The following TEX26 variants were observed in gnomAD, a reference collection of about 807,000 sequenced individuals.
The protein encoded by TEX26 is testis-expressed protein 26.
TEX26 carries 34 observed loss-of-function variants against 35.3 expected under a neutral mutation model. The ratio of observed to expected loss-of-function variants is 0.96; its 90% CI spans 0.73 to 1.28. The LOEUF (loss-of-function observed/expected upper bound fraction) is 1.28, where lower values mean the gene tolerates loss of function less well. Ranked by LOEUF, TEX26 falls within the 50% of genes most tolerant of loss-of-function variation. The pLI is 0.00. For synonymous variants in TEX26, 136 were observed against 111.8 expected, an observed-to-expected ratio of 1.22 and a Z score of -1.36; for missense variants, 371 against 330.1, an observed-to-expected ratio of 1.12 and a Z score of -0.96.
intron 6 of TEX26, among the ~76,000 whole-genome samples, chr13:30,974,040 G>A (rs1466214684): frequency 6.7e-6 from 1 of 149,734 alleles, no homozygotes; most frequent in African/African-American, 2.5e-5. Context: ...AGAATTGCTT[G>A]AACCTGGGAG....
chr13:30,957,600 G>A (rs2138281149), intron 4 of TEX26, among the ~76,000 whole-genome samples: 1 of 152,326 alleles, frequency 6.6e-6, no homozygotes, highest in South Asian at 2.1e-4. Context: ...TGGCCCTTCA[G>A]GAAGAAGGTG....
At chr13:30,934,687 C>G (rs1319320787) in intron 1 of TEX26, among the ~76,000 whole-genome samples, 2 of 152,192 alleles carry the variant, frequency 1.3e-5, no homozygotes, top group Non-Finnish European at 2.9e-5. Context: ...GGCTGCAACA[C>G]TCCATGGAGC....
At chr13:30,953,583 C>G (rs532663788) in intron 3 of TEX26, among the ~76,000 whole-genome samples, 116 of 152,198 alleles carry the variant, frequency 7.6e-4, no homozygotes, top group Non-Finnish European at 1.5e-3. Flanking sequence ...TTGTGCTTAG[C>G]CTTGTGTTTC....
intron 5 of TEX26, among the ~76,000 whole-genome samples, chr13:30,966,691 G>A (rs921316836): frequency 1.2e-4 from 18 of 152,074 alleles, no homozygotes; most frequent in Admixed American, 2.0e-4. Flanking sequence ...CACCTGCCTC[G>A]GCCTCCCAAA....
At chr13:30,932,915 G>A in intron 1 of TEX26, 139 bp downstream of exon 1, 2 of 866,926 alleles carry the variant, frequency 2.3e-6, no homozygotes, top group Admixed American at 2.9e-5. Flanking sequence ...GGAAAAGACG[G>A]GGAGTCAGGG....
chr13:30,963,434 G>A (rs920615110), intron 4 of TEX26, among the ~76,000 whole-genome samples: 5 of 152,232 alleles, frequency 3.3e-5, no homozygotes, highest in East Asian at 1.9e-4. Context: ...TCCAAATAAC[G>A]CATGAAGCTC....
intron 5 of TEX26, among the ~76,000 whole-genome samples, chr13:30,967,376 A>G (rs1176861313): frequency 6.6e-6 from 1 of 152,184 alleles, no homozygotes; most frequent in African/African-American, 2.4e-5. Flanking sequence ...GCCCCTGTGT[A>G]TCCACTTCAG....
In TEX26 at chr13:30,952,645, TG is replaced by T; in HGVS notation, c.147-12del. ...TTTAACCTCTAACTCTAATTTCTGCTGGGTTTTTTTATAGCCAAAACGGTAT... is the reference window on the plus strand; with the variant it reads ...TTTAACCTCTAACTCTAATTTCTGCTGGTTTTTTTATAGCCAAAACGGTAT... On this transcript the variant is annotated splice_polypyrimidine_tract_variant and intron_variant, in intron 2 of 6. Transcript: ENST00000380473. 1 of 1,560,402 alleles carries T rather than the reference TG, an allele frequency of 6.4e-7. No homozygotes were observed. Among genetic ancestry groups the T allele is most frequent in the South Asian group, 1.3e-5 (1 of 78,226 alleles).
At chr13:30,951,989 CATT>C (rs1433902983) in intron 2 of TEX26, among the ~76,000 whole-genome samples, 1 of 67,586 alleles carries the variant, frequency 1.5e-5, no homozygotes, top group African/African-American at 6.9e-5. Flanking sequence ...GAAACAGAAT[CATT>C]ATTCTGGGAT....
chr13:30,965,158 C>T (rs946034207), intron 4 of TEX26, among the ~76,000 whole-genome samples: 1 of 152,130 alleles, frequency 6.6e-6, no homozygotes, highest in Admixed American at 6.5e-5. Flanking sequence ...CATGCCCTCT[C>T]CTCCTGAGTT....
chr13:30,974,119 T>TA (rs747590592), intron 6 of TEX26, among the ~76,000 whole-genome samples: 994 of 74,352 alleles, frequency 0.013, 35 homozygotes, highest in African/African-American at 0.048. Context: ...AGCCTCCATC[T>TA]AAAAAAAAAA....
chr13:30,949,986 AT>A (rs1376174740), intron 2 of TEX26, among the ~76,000 whole-genome samples: 1 of 152,222 alleles, frequency 6.6e-6, no homozygotes, highest in African/African-American at 2.4e-5. Flanking sequence ...TGGAGTAAAT[AT>A]TTTGTAAAAT....
chr13:30,958,961 C>T (rs966702114), intron 4 of TEX26, among the ~76,000 whole-genome samples: 1 of 152,118 alleles, frequency 6.6e-6, no homozygotes, highest in Admixed American at 6.6e-5. Flanking sequence ...GAAGTTATTA[C>T]CGCCAATCAA....
intron 2 of TEX26, among the ~76,000 whole-genome samples, chr13:30,945,613 T>G (rs1464953135): frequency 6.6e-6 from 1 of 151,940 alleles, no homozygotes; most frequent in Non-Finnish European, 1.5e-5. Flanking sequence ...CTTTTAGCAT[T>G]TCTTGTAGGG....
In TEX26 at chr13:30,932,832, A is replaced by C. The variant is rs904365241; in HGVS notation, c.61+56A>C. On this transcript the variant is annotated intron_variant, in intron 1 of 6. Transcript: ENST00000380473. ...GCGGGGCTGGGGTCTTTCCCGGGGAAAGGGTCCTGTTGAGAAAAAGGGGCC... is the reference window on the plus strand; with the variant it reads ...GCGGGGCTGGGGTCTTTCCCGGGGACAGGGTCCTGTTGAGAAAAAGGGGCC... 5 of 1,585,352 alleles carry C rather than the reference A, an allele frequency of 3.2e-6. No homozygotes were observed. In the African/African-American group the frequency reaches 6.7e-5, roughly 21 times the overall value.
intron 2 of TEX26, among the ~76,000 whole-genome samples, chr13:30,941,141 C>G (rs1309213270): frequency 6.6e-6 from 1 of 152,144 alleles, no homozygotes; most frequent in African/African-American, 2.4e-5. Flanking sequence ...ACAATGATAC[C>G]TGCCTAAAGT....
intron 6 of TEX26, among the ~76,000 whole-genome samples, chr13:30,970,944 AT>A (rs1566170075): frequency 2.0e-5 from 3 of 152,354 alleles, no homozygotes; most frequent in South Asian, 2.1e-4. Context: ...GTAACTTAGA[AT>A]AAGCTAGGGT....
chr13:30,934,513 A>G (rs1953193661), intron 1 of TEX26, among the ~76,000 whole-genome samples: 1 of 152,210 alleles, frequency 6.6e-6, no homozygotes, highest in African/African-American at 2.4e-5. Flanking sequence ...ACAGCTCTGA[A>G]GGTCGAGAGC....
At chr13:30,967,400 C>T (rs1334227517) in intron 5 of TEX26, among the ~76,000 whole-genome samples, 1 of 152,148 alleles carries the variant, frequency 6.6e-6, no homozygotes, top group Non-Finnish European at 1.5e-5. Context: ...AGCCCCATCC[C>T]CCTTCGTTGT....
Sources: gnomAD v4.1 joint callset for allele counts (sites outside exome capture counted in the v4.1 genomes callset) on GRCh38, gnomAD v4.1.1 for gene constraint, MANE v1.5 for transcripts, NCBI Gene and HGNC (gene_info 2026-07-23, HGNC 2026-07-21) for gene names.